The following MALRD1 variants were observed in gnomAD, a reference collection of about 807,000 sequenced individuals.
MALRD1 encodes the protein MAM and LDL receptor class A domain containing 1.
MALRD1 carries 247 observed loss-of-function variants against 242.1 expected under a neutral mutation model. The ratio of observed to expected loss-of-function variants is 1.02; its 90% CI spans 0.92 to 1.13. The LOEUF (loss-of-function observed/expected upper bound fraction) is 1.13. MALRD1 is among the 50% of genes most tolerant of loss of function. The probability of loss-of-function intolerance (pLI) is 0.00; values close to 1 mark genes in which losing one functional copy is unlikely to be tolerated. For missense variants in MALRD1, 2,989 were observed against 2,533.1 expected, an observed-to-expected ratio of 1.18 and a Z score of -3.86; for synonymous variants, 995 against 866.6, an observed-to-expected ratio of 1.15 and a Z score of -2.60.
At chr10:19,268,077 G>A (rs1326667247) in intron 19 of MALRD1, among the ~76,000 whole-genome samples, 3 of 152,136 alleles carry the variant, frequency 2.0e-5, no homozygotes, top group East Asian at 3.8e-4. Flanking sequence ...TAAACATGGA[G>A]AAGGTTGTCT....
Position 19,476,324 on chromosome 10 carries a change from C to G in MALRD1, c.5030-15193C>G, listed in dbSNP as rs116491169. Among the ~76,000 whole-genome samples the G allele has an allele frequency of 2.9e-3, 436 of 152,226 alleles. 4 individuals carry two copies. The highest frequency in any genetic ancestry group is 9.8e-3 in the African/African-American group (406 of 41,532). On this transcript the variant is annotated intron_variant, in intron 29 of 39. Transcript: ENST00000454679. ...TTCTGTCTTTGATCAGTTGTCTATC[C>G]TTAGGTCAATAAGCCATATAATACC...
chr10:19,494,511 C>T (rs980189248), intron 30 of MALRD1, among the ~76,000 whole-genome samples: 1 of 151,936 alleles, frequency 6.6e-6, no homozygotes, highest in East Asian at 1.9e-4. Context: ...ACATTGAAAC[C>T]CAATCCAAAG....
intron 34 of MALRD1, among the ~76,000 whole-genome samples, chr10:19,606,473 T>C (rs193040451): frequency 6.6e-6 from 1 of 152,252 alleles, no homozygotes; most frequent in East Asian, 1.9e-4. Context: ...CTTTGACATA[T>C]TTCTGCTGAA....
intron 34 of MALRD1, among the ~76,000 whole-genome samples, chr10:19,602,254 G>C (rs938204156): frequency 2.2e-4 from 27 of 121,116 alleles, no homozygotes; most frequent in African/African-American, 8.1e-4. Flanking sequence ...GTGCAGGTTT[G>C]TTACATATGT....
intron 12 of MALRD1, among the ~76,000 whole-genome samples, chr10:19,158,201 G>C (rs1022549643): frequency 3.9e-5 from 6 of 152,160 alleles, no homozygotes; most frequent in African/African-American, 1.2e-4. Flanking sequence ...TTTCATATTT[G>C]AGTTACTGTG....
chr10:19,697,326 G>A (rs898948490), intron 38 of MALRD1, among the ~76,000 whole-genome samples: 1 of 152,062 alleles, frequency 6.6e-6, no homozygotes, highest in African/African-American at 2.4e-5. Flanking sequence ...ACAGAGTTTT[G>A]CATCTCAGTC....
At chr10:19,267,850 A>G (rs1197467160) in intron 19 of MALRD1, among the ~76,000 whole-genome samples, 1 of 152,102 alleles carries the variant, frequency 6.6e-6, no homozygotes, top group Non-Finnish European at 1.5e-5. Flanking sequence ...GGTGATTGCA[A>G]TCTTAAATAT....
chr10:19,317,085 A>G (rs1180284038), intron 21 of MALRD1, among the ~76,000 whole-genome samples: 2 of 151,546 alleles, frequency 1.3e-5, no homozygotes, highest in Non-Finnish European at 2.9e-5. Context: ...ATTTTTTTAA[A>G]GAATGCTAGT....
At chr10:19,267,012 A>T (rs968046777) in intron 19 of MALRD1, among the ~76,000 whole-genome samples, 1 of 152,072 alleles carries the variant, frequency 6.6e-6, no homozygotes. Flanking sequence ...CTTCATTAGA[A>T]AGGCCAGAAT....
intron 33 of MALRD1, among the ~76,000 whole-genome samples, chr10:19,587,815 A>C (rs928915103): frequency 2.0e-5 from 3 of 152,126 alleles, no homozygotes; most frequent in Admixed American, 6.5e-5. Context: ...TCTGCATAGC[A>C]CAAAGTGAAG....
intron 32 of MALRD1, among the ~76,000 whole-genome samples, chr10:19,535,971 A>C (rs59276888): frequency 6.6e-6 from 1 of 152,214 alleles, no homozygotes; most frequent in Non-Finnish European, 1.5e-5. Context: ...AGGGTTTATG[A>C]GGCAATAAAA....
chr10:19,578,581 A>G (rs1468969928), intron 33 of MALRD1, among the ~76,000 whole-genome samples: 6 of 152,104 alleles, frequency 3.9e-5, no homozygotes, highest in African/African-American at 1.4e-4. Flanking sequence ...AATCTCAACT[A>G]CTTGGGAAGA....
chr10:19,650,319 CTG>C (rs1840814610), intron 36 of MALRD1, among the ~76,000 whole-genome samples: 2 of 152,262 alleles, frequency 1.3e-5, no homozygotes, highest in South Asian at 2.1e-4. Context: ...TAGACAAAAA[CTG>C]TGAAAATTTG....
intron 36 of MALRD1, among the ~76,000 whole-genome samples, chr10:19,669,829 C>T (rs1281793740): frequency 6.6e-6 from 1 of 152,014 alleles, no homozygotes; most frequent in Non-Finnish European, 1.5e-5. Flanking sequence ...TGCTTGGAGG[C>T]AGTGAGTGAA....
chr10:19,349,146 C>T (rs747665759), intron 25 of MALRD1, among the ~76,000 whole-genome samples: 5 of 151,980 alleles, frequency 3.3e-5, no homozygotes, highest in Admixed American at 6.6e-5. Flanking sequence ...TTTTTAGTAG[C>T]GATGAGGTTT....
intron 7 of MALRD1, among the ~76,000 whole-genome samples, chr10:19,125,322 C>CTTCCTTCTTTCT (rs1564407963): frequency 1.7e-4 from 11 of 63,804 alleles, no homozygotes; most frequent in East Asian, 8.5e-4. Flanking sequence ...TCCTTCCTTC[C>CTTCCTTCTTTCT]TTCTTTCTTT....
intron 32 of MALRD1, among the ~76,000 whole-genome samples, chr10:19,539,920 A>G (rs115870529): frequency 0.019 from 926 of 47,810 alleles, 10 homozygotes; most frequent in Middle Eastern, 0.039. Context: ...GCGCGCACAC[A>G]CGCGCAGTGA....
At chr10:19,367,255 T>A (rs923481656) in intron 26 of MALRD1, among the ~76,000 whole-genome samples, 10 of 152,084 alleles carry the variant, frequency 6.6e-5, no homozygotes, top group African/African-American at 1.9e-4. Context: ...AAACTCTCCC[T>A]ATCCTCCTCT....
At position 19,123,483 on chromosome 10, in the gene MALRD1, A is replaced by G. The variant is rs774516930; in HGVS notation, c.695-9A>G. On this transcript the variant is annotated splice_polypyrimidine_tract_variant and intron_variant, in intron 5 of 39. Transcript: ENST00000454679. ...CATTTCACTTCTTGCCAATCTTTAAATTTAACAGATGGAATTTTACTGTGT... is the reference window on the plus strand; with the variant it reads ...CATTTCACTTCTTGCCAATCTTTAAGTTTAACAGATGGAATTTTACTGTGT... The G allele has an allele frequency of 5.7e-6, 7 of 1,230,532 alleles. No individual in the cohort carries two copies. The highest frequency in any genetic ancestry group is 7.1e-6 in the Non-Finnish European group (7 of 985,036). 76.2% of individuals were successfully genotyped at this position (1,230,532 alleles called of 1,614,324 possible).
Sources: gnomAD v4.1 joint callset for allele counts (sites outside exome capture counted in the v4.1 genomes callset) on GRCh38, gnomAD v4.1.1 for gene constraint, MANE v1.5 for transcripts, NCBI Gene and HGNC (gene_info 2026-07-23, HGNC 2026-07-21) for gene names.